CNTN5: variants seen among roughly 807,000 people sequenced by gnomAD.
The protein encoded by CNTN5 is contactin-5.
In CNTN5, 77 loss-of-function variants were observed where a neutral mutation model predicts 129.1. That is an observed-to-expected ratio of 0.60 (90% confidence interval 0.50 to 0.72). CNTN5 has a LOEUF of 0.72. Ranked by LOEUF, CNTN5 falls within the 30% of genes least tolerant of loss-of-function variation. CNTN5 has a pLI of 0.00. For missense variants in CNTN5, 1,478 were observed against 1,328.8 expected (o/e 1.11, Z -1.75); for synonymous variants, 509 against 465.6 (o/e 1.09, Z -1.20).
chr11:99,442,460 G>A (rs1419064255), intron 2 of CNTN5, among the ~76,000 whole-genome samples: 1 of 152,170 alleles, frequency 6.6e-6, no homozygotes, highest in Non-Finnish European at 1.5e-5. Flanking sequence ...GTGAGGCACT[G>A]CACCTGGCTT....
At chr11:99,176,365 T>G (rs1857773863) in intron 1 of CNTN5, among the ~76,000 whole-genome samples, 1 of 152,172 alleles carries the variant, frequency 6.6e-6, no homozygotes, top group Non-Finnish European at 1.5e-5. Flanking sequence ...ACTTCTACAT[T>G]TATTGCTCCA....
At chr11:99,229,387 G>T (rs536174909) in intron 1 of CNTN5, among the ~76,000 whole-genome samples, 1 of 152,100 alleles carries the variant, frequency 6.6e-6, no homozygotes, top group Non-Finnish European at 1.5e-5. Context: ...GTATATAAAT[G>T]ATTGCTGTAA....
intron 17 of CNTN5, among the ~76,000 whole-genome samples, chr11:100,270,071 G>GT (rs1269804891): frequency 6.7e-6 from 1 of 148,946 alleles, no homozygotes; most frequent in Non-Finnish European, 1.5e-5. Flanking sequence ...TTGTTTGTTT[G>GT]TTTTTTTCCA....
rs544223758 is a variant in CNTN5 at position 99,849,450 on chromosome 11, A to G, written c.577+4188A>G. ...CTCTTATTAACCAGAAATATATTTT[A>G]AAATGTTCTGCCTTTCCACTAATAA... On this transcript the variant is annotated intron_variant, in intron 6 of 24. Coordinates refer to ENST00000524871, the MANE Select transcript of CNTN5 (RefSeq NM_014361.4). Among the ~76,000 whole-genome samples the G allele has an allele frequency of 3.9e-5, 6 of 152,110 alleles. No homozygotes were observed. The South Asian group carries it at 1.0e-3, about 26-fold the overall frequency.
rs538176036 is a variant in CNTN5, at chr11:99,713,278, T to C, written c.56-106266T>C. ...AATGGGAGTTCATTCATGATTTGGC[T>C]CTCTGTTTTTTGTTGTTGTTGTTGT... On this transcript the variant is annotated intron_variant, in intron 3 of 24. Transcript: ENST00000524871. Among the ~76,000 whole-genome samples, 3 of 152,220 alleles carry C rather than the reference T, an allele frequency of 2.0e-5. No individual in the cohort carries two copies. The South Asian group carries it at 6.2e-4, about 32-fold the overall frequency.
At chr11:99,027,794 A>G (rs1258161336) in intron 1 of CNTN5, among the ~76,000 whole-genome samples, 1 of 151,712 alleles carries the variant, frequency 6.6e-6, no homozygotes, top group Non-Finnish European at 1.5e-5. Context: ...TTGACAAATT[A>G]TGACAAGCAA....
intron 3 of CNTN5, among the ~76,000 whole-genome samples, chr11:99,654,351 TG>T (rs1489582138): frequency 6.6e-6 from 1 of 151,996 alleles, no homozygotes; most frequent in Non-Finnish European, 1.5e-5. Context: ...TGCTAAGGGG[TG>T]TATCAGCTTC....
chr11:99,748,820 G>T (rs1944142584), intron 3 of CNTN5, among the ~76,000 whole-genome samples: 1 of 152,176 alleles, frequency 6.6e-6, no homozygotes, highest in African/African-American at 2.4e-5. Context: ...ACTGGTAAAG[G>T]CAAATCTTCT....
At chr11:99,062,225 T>C (rs937198576) in intron 1 of CNTN5, among the ~76,000 whole-genome samples, 22 of 152,206 alleles carry the variant, frequency 1.4e-4, no homozygotes, top group African/African-American at 5.3e-4. Context: ...ATCTAAAGAA[T>C]TCAAGACAAC....
intron 3 of CNTN5, among the ~76,000 whole-genome samples, chr11:99,695,405 C>T (rs1423882484): frequency 6.6e-6 from 1 of 151,884 alleles, no homozygotes; most frequent in Non-Finnish European, 1.5e-5. Context: ...AGATAGACAC[C>T]AGGGTGTTGC....
intron 1 of CNTN5, among the ~76,000 whole-genome samples, chr11:99,043,433 A>AT (rs1565272187): frequency 6.6e-6 from 1 of 151,992 alleles, no homozygotes; most frequent in Non-Finnish European, 1.5e-5. Context: ...TTAAAGTATA[A>AT]TAAAAAAAAA....
intron 1 of CNTN5, among the ~76,000 whole-genome samples, chr11:99,124,238 T>A (rs1858505141): frequency 6.6e-6 from 1 of 152,110 alleles, no homozygotes; most frequent in Non-Finnish European, 1.5e-5. Flanking sequence ...TGTGGAGAGC[T>A]TTCCTTTTCC....
intron 16 of CNTN5, among the ~76,000 whole-genome samples, chr11:100,254,172 T>C (rs1950023426): frequency 6.6e-6 from 1 of 152,192 alleles, no homozygotes; most frequent in African/African-American, 2.4e-5. Flanking sequence ...TGATACCGTC[T>C]AACCAAATTT....
At chr11:99,239,952 A>C (rs925555775) in intron 1 of CNTN5, among the ~76,000 whole-genome samples, 22 of 152,092 alleles carry the variant, frequency 1.4e-4, no homozygotes, top group African/African-American at 5.3e-4. Flanking sequence ...AAAAAAAAAA[A>C]AAAATTTAAA....
chr11:99,678,609 T>C (rs1176758150), intron 3 of CNTN5, among the ~76,000 whole-genome samples: 2 of 151,894 alleles, frequency 1.3e-5, no homozygotes, highest in Non-Finnish European at 1.5e-5. Context: ...AGAGCTCCAA[T>C]GGCCACTGCA....
chr11:99,380,398 T>G (rs1484968512), intron 2 of CNTN5, among the ~76,000 whole-genome samples: 1 of 152,200 alleles, frequency 6.6e-6, no homozygotes, highest in Non-Finnish European at 1.5e-5. Context: ...TATAAAACCT[T>G]TTTGTAAATG....
At chr11:99,464,939 C>T (rs1944874718) in intron 2 of CNTN5, among the ~76,000 whole-genome samples, 1 of 152,190 alleles carries the variant, frequency 6.6e-6, no homozygotes, top group South Asian at 2.1e-4. Flanking sequence ...TTAGCATTTA[C>T]AGAGCATTTT....
intron 1 of CNTN5, among the ~76,000 whole-genome samples, chr11:99,088,946 C>T (rs1866118705): frequency 6.6e-6 from 1 of 152,130 alleles, no homozygotes; most frequent in Non-Finnish European, 1.5e-5. Flanking sequence ...AGTTATTAGT[C>T]TCTTCATTGG....
At chr11:100,084,354 C>T (rs1054465917) in intron 13 of CNTN5, among the ~76,000 whole-genome samples, 11 of 152,090 alleles carry the variant, frequency 7.2e-5, no homozygotes, top group African/African-American at 2.7e-4. Context: ...AGTGACTCTT[C>T]AGTGAATATA....
Sources: gnomAD v4.1 joint callset for allele counts (sites outside exome capture counted in the v4.1 genomes callset) on GRCh38, gnomAD v4.1.1 for gene constraint, MANE v1.5 for transcripts, NCBI Gene and HGNC (gene_info 2026-07-23, HGNC 2026-07-21) for gene names.